MYL1: variants seen among roughly 807,000 people sequenced by gnomAD.
The protein encoded by MYL1 is myosin light chain 1, also known as myosin light chain 1/3, skeletal muscle isoform.
A neutral mutation model predicts 21.8 loss-of-function variants in MYL1; 16 were observed. The ratio of observed to expected loss-of-function variants is 0.74; its 90% CI spans 0.50 to 1.12. The LOEUF is 1.12. MYL1 is among the 50% of genes most tolerant of loss of function. The pLI, the probability that MYL1 is intolerant of heterozygous loss-of-function variation, is 0.00. For missense variants in MYL1, 246 were observed against 241.0 expected, an observed-to-expected ratio of 1.02 and a Z score of -0.14; for synonymous variants, 99 against 85.2, an observed-to-expected ratio of 1.16 and a Z score of -0.89.
intron 2 of MYL1, among the ~76,000 whole-genome samples, chr2:210,301,626 G>C (rs1206844929): frequency 6.6e-6 from 1 of 151,788 alleles, no homozygotes; most frequent in Non-Finnish European, 1.5e-5. Flanking sequence ...TTGTGTCTCA[G>C]TTCACTTAGA....
intron 1 of MYL1, among the ~76,000 whole-genome samples, chr2:210,313,219 G>A (rs1446643922): frequency 6.6e-6 from 1 of 151,888 alleles, no homozygotes; most frequent in African/African-American, 2.4e-5. Flanking sequence ...TGCTTCTTAG[G>A]TAAAGAGGTA....
intron 1 of MYL1, 113 bp from the exon 2 acceptor site, chr2:210,302,628 A>G: frequency 1.3e-6 from 2 of 1,490,786 alleles, no homozygotes; most frequent in Non-Finnish European, 1.8e-6. Flanking sequence ...TCCAAAAGTC[A>G]GCCTACTTTT....
intron 1 of MYL1, among the ~76,000 whole-genome samples, chr2:210,305,750 T>G (rs1397935828): frequency 6.6e-6 from 1 of 152,070 alleles, no homozygotes; most frequent in African/African-American, 2.4e-5. Context: ...TTGAGTAAAC[T>G]GGAAAGTAAG....
intron 1 of MYL1, among the ~76,000 whole-genome samples, chr2:210,311,859 G>A (rs1002730677): frequency 1.3e-5 from 2 of 151,856 alleles, no homozygotes; most frequent in Non-Finnish European, 2.9e-5. Context: ...GAACCACCAA[G>A]GACAATAACT....
intron 4 of MYL1, 101 bp from the exon 5 acceptor site, chr2:210,293,901 A>T (rs1690125419): frequency 2.0e-6 from 2 of 980,708 alleles, no homozygotes; most frequent in Admixed American, 4.1e-5. Flanking sequence ...AACTCTTGAC[A>T]TATAGGAACT....
chr2:210,309,515 T>C (rs1237673873), intron 1 of MYL1, among the ~76,000 whole-genome samples: 1 of 152,082 alleles, frequency 6.6e-6, no homozygotes, highest in Non-Finnish European at 1.5e-5. Flanking sequence ...TTAACTAGTA[T>C]AATTGAAGCC....
intron 5 of MYL1, among the ~76,000 whole-genome samples, chr2:210,292,708 T>C (rs936548938): frequency 3.3e-5 from 5 of 152,210 alleles, no homozygotes; most frequent in Admixed American, 2.0e-4. Context: ...ACTCCAAAGT[T>C]ATAAAATTAA....
chr2:210,298,657 TTTTACA>T (rs1235569100), intron 2 of MYL1, 94 bp from the exon 3 acceptor site: 1 of 1,387,048 alleles, frequency 7.2e-7, no homozygotes, highest in Non-Finnish European at 9.8e-7. Flanking sequence ...AACTCTTCAG[TTTTACA>T]ACTTCTGCCA....
At chr2:210,303,765 G>A in intron 1 of MYL1, 1 of 436,754 alleles carries the variant, frequency 2.3e-6, no homozygotes, top group Non-Finnish European at 3.9e-6. Flanking sequence ...TACCCTGAGA[G>A]CTATTTTTAG....
intron 3 of MYL1, among the ~76,000 whole-genome samples, chr2:210,297,188 C>G (rs887042867): frequency 1.4e-4 from 22 of 151,888 alleles, no homozygotes; most frequent in African/African-American, 4.8e-4. Context: ...GAAATATACC[C>G]AGTGATGGGA....
rs775888493 is a variant in MYL1, at chr2:210,298,495, C to T, written c.229G>A (p.Asp77Asn). ...DSKITLSQVG[D>N]VLRALGTNPT... The stretch of plus-strand genomic sequence containing the variant: ...TTTGTGCCCAGAGCTCGAAGGACAT[C>T]ACCGACCTGGCTTAAGGTGATCTTG... The change falls in exon 3 of 7, where the codon GAT (aspartate) becomes AAT (asparagine). Residue 77 changes from aspartate to asparagine, a missense_variant. By Grantham distance (23) the Asp-to-Asn change is conservative. Coordinates refer to ENST00000352451, the MANE Select transcript of MYL1 (RefSeq NM_079420.3). 37 of 1,613,982 alleles carry T rather than the reference C, an allele frequency of 2.3e-5. No homozygotes were observed. Among genetic ancestry groups the T allele is most frequent in the Non-Finnish European group, 3.1e-5 (36 of 1,180,010 alleles).
intron 1 of MYL1, among the ~76,000 whole-genome samples, chr2:210,306,631 T>C (rs928173581): frequency 7.2e-5 from 11 of 151,932 alleles, no homozygotes; most frequent in Non-Finnish European, 1.3e-4. Flanking sequence ...CAGTATAGTC[T>C]AGAGAAAAAA....
At chr2:210,297,845 G>GGCAGT (rs1208887734) in intron 3 of MYL1, among the ~76,000 whole-genome samples, 1 of 151,700 alleles carries the variant, frequency 6.6e-6, no homozygotes, top group Non-Finnish European at 1.5e-5. Context: ...CAGAGCACAT[G>GGCAGT]GCAGTCAGCA....
chr2:210,298,923 G>T (rs1353204447), intron 2 of MYL1, among the ~76,000 whole-genome samples: 1 of 152,090 alleles, frequency 6.6e-6, no homozygotes, highest in African/African-American at 2.4e-5. Context: ...TAATTAACAA[G>T]ATTAACAAAA....
intron 3 of MYL1, among the ~76,000 whole-genome samples, chr2:210,295,430 T>G (rs1476476929): frequency 6.6e-6 from 1 of 151,914 alleles, no homozygotes; most frequent in Non-Finnish European, 1.5e-5. Flanking sequence ...GCTCAGGAGT[T>G]TGAGACCAGC....
intron 2 of MYL1, among the ~76,000 whole-genome samples, chr2:210,302,185 G>GATAT (rs143558253): frequency 2.7e-5 from 4 of 150,568 alleles, no homozygotes; most frequent in East Asian, 1.9e-4. Flanking sequence ...ATCTTTTTGG[G>GATAT]ATATATATAT....
chr2:210,306,120 C>G (rs189840573), intron 1 of MYL1, among the ~76,000 whole-genome samples: 1 of 151,752 alleles, frequency 6.6e-6, no homozygotes, highest in Non-Finnish European at 1.5e-5. Context: ...GTGGCTCATG[C>G]GTGTAATCCC....
At chr2:210,311,641 A>G (rs1053856441) in intron 1 of MYL1, among the ~76,000 whole-genome samples, 1 of 151,994 alleles carries the variant, frequency 6.6e-6, no homozygotes, top group East Asian at 1.9e-4. Context: ...TCACTTACAC[A>G]TTGAAGATCT....
At chr2:210,304,121 G>T (rs1323725674) in intron 1 of MYL1, among the ~76,000 whole-genome samples, 1 of 152,190 alleles carries the variant, frequency 6.6e-6, no homozygotes, top group Admixed American at 6.5e-5. Context: ...TGCACATTCT[G>T]CATGTTTCTT....
Sources: allele counts gnomAD v4.1 joint callset (sites outside exome capture counted in the v4.1 genomes callset), GRCh38; gene constraint gnomAD v4.1.1; transcripts MANE v1.5; gene names NCBI Gene and HGNC (gene_info 2026-07-23, HGNC 2026-07-21).